Variants in GPR160 observed in about 807,000 individuals in gnomAD.
The protein encoded by GPR160 is G protein-coupled receptor 160.
A neutral mutation model predicts 2.6 loss-of-function variants in GPR160; 2 were observed. The ratio of observed to expected loss-of-function variants is 0.77; its 90% confidence interval spans 0.32 to 2.44. The LOEUF (loss-of-function observed/expected upper bound fraction) is 2.44. Among genes scored for constraint, GPR160 ranks in the 30% most tolerant of loss-of-function variants. The pLI, the probability that GPR160 is intolerant of heterozygous loss-of-function variation, is 0.11. For missense variants in GPR160, 351 were observed against 383.6 expected, an observed-to-expected ratio of 0.91 and a Z score of 0.71; for synonymous variants, 130 against 132.2, an observed-to-expected ratio of 0.98 and a Z score of 0.12.
chr3:170,085,001 A>G lies in GPR160; in HGVS notation c.*12A>G. On this transcript the variant is annotated 3_prime_UTR_variant, in exon 4 of 4. Coordinates refer to ENST00000355897, the MANE Select transcript of GPR160 (RefSeq NM_014373.3). ...TAATGATTTGTTAATATTATTAATT[A>G]AAAGTTACAGCTGTCATAAGATCAT... 7.8e-7 allele frequency: 1 copy of G among 1,281,148 alleles called. No individual in the cohort carries two copies. Among genetic ancestry groups the G allele is most frequent in the Non-Finnish European group, 1.1e-6 (1 of 929,064 alleles). The allele number at this position is 1,281,148 out of a possible 1,614,324, so 79.4% of individuals were successfully genotyped here. A position where few individuals can be genotyped will look rare whatever the true frequency, so the allele number is the denominator to read the frequency against.
At chr3:170,066,366 C>A (rs1169270251) in intron 2 of GPR160, among the ~76,000 whole-genome samples, 1 of 151,870 alleles carries the variant, frequency 6.6e-6, no homozygotes, top group Non-Finnish European at 1.5e-5. Flanking sequence ...GTCTCAATCT[C>A]CTGACCTCAT....
chr3:170,039,457 C>T (rs528713541), intron 2 of GPR160, among the ~76,000 whole-genome samples: 2 of 152,228 alleles, frequency 1.3e-5, no homozygotes, highest in East Asian at 3.9e-4. Context: ...ACCTGTAATC[C>T]CAGCACTTTG....
rs768860730 is a variant in GPR160, at chr3:170,084,595, T to C, written c.623T>C (p.Val208Ala). 6.2e-7 allele frequency: 1 copy of C among 1,613,350 alleles called. No individual in the cohort carries two copies. The highest frequency in any genetic ancestry group is 8.5e-7 in the Non-Finnish European group (1 of 1,179,278). ...TGTTGGGAAGAAGTTACTACTTTGG[T>C]ACAGGCTATCAGGATAACTTCCTAT... ...ITCWEEVTTL[V>A]QAIRITSYMN... The change falls in exon 4 of 4, where the codon GTA becomes GCA. Residue 208 changes from valine (V) to alanine (A), a missense_variant. Val to Ala is a moderately conservative substitution (Grantham distance 64, BLOSUM62 0). Transcript: ENST00000355897.
At chr3:170,081,121 C>T (rs1476979936) in intron 3 of GPR160, among the ~76,000 whole-genome samples, 3 of 152,056 alleles carry the variant, frequency 2.0e-5, no homozygotes, top group African/African-American at 7.2e-5. Context: ...TTTATGAATC[C>T]ACAAAATTTC....
intron 2 of GPR160, among the ~76,000 whole-genome samples, chr3:170,054,606 T>G (rs1164960300): frequency 6.6e-6 from 1 of 152,168 alleles, no homozygotes; most frequent in East Asian, 1.9e-4. Flanking sequence ...CTGCACCCAT[T>G]AAACAGTAAC....
In GPR160 at chr3:170,038,059, C is replaced by T. The variant is rs1199378264; in HGVS notation, c.-478C>T. 6.5e-6 allele frequency: 1 copy of T among 152,796 alleles called. No individual in the cohort carries two copies. The highest frequency in any genetic ancestry group is 1.5e-5 in the Non-Finnish European group (1 of 68,054). The allele number at this position is 152,796 out of a possible 1,614,324, so 9.5% of individuals were successfully genotyped here. A position where few individuals can be genotyped will look rare whatever the true frequency, so the allele number is the denominator to read the frequency against. On this transcript the variant is annotated 5_prime_UTR_variant, in exon 1 of 4. Transcript: ENST00000355897. The surrounding 1 kb of genome is among the most constrained non-coding windows in gnomAD (Gnocchi z 5.3). ...CGCCGCGGGGTCCCGGGGCCGTGCT[C>T]CCCTGCCCCTCCCGGGAGCGCGCGG...
At chr3:170,050,805 G>T (rs1413582394) in intron 2 of GPR160, among the ~76,000 whole-genome samples, 1 of 152,166 alleles carries the variant, frequency 6.6e-6, no homozygotes, top group Non-Finnish European at 1.5e-5. Context: ...GTATTGCTGA[G>T]TAGCATACAG....
intron 2 of GPR160, among the ~76,000 whole-genome samples, chr3:170,051,884 A>G (rs1716972980): frequency 6.6e-6 from 1 of 152,160 alleles, no homozygotes; most frequent in Non-Finnish European, 1.5e-5. Flanking sequence ...TTAATCTTAT[A>G]TCTAATAAGT....
intron 2 of GPR160, among the ~76,000 whole-genome samples, chr3:170,045,431 A>C (rs1156919974): frequency 1.5e-5 from 2 of 134,184 alleles, no homozygotes; most frequent in African/African-American, 6.0e-5. Context: ...AAAAAAAAAA[A>C]AAAAAAAAAA....
intron 2 of GPR160, among the ~76,000 whole-genome samples, chr3:170,073,974 C>T (rs1039108747): frequency 6.4e-4 from 96 of 150,312 alleles, no homozygotes; most frequent in African/African-American, 2.2e-3. Flanking sequence ...CTGCAAGCTC[C>T]GCCTCCTGGG....
chr3:170,060,207 G>A (rs1050998643), intron 2 of GPR160, among the ~76,000 whole-genome samples: 4 of 152,164 alleles, frequency 2.6e-5, no homozygotes, highest in African/African-American at 9.7e-5. Flanking sequence ...GCATTCAAAA[G>A]AAGAATGATG....
intron 3 of GPR160, 39 bp downstream of exon 3, chr3:170,079,936 A>C (rs1282369605): frequency 1.3e-5 from 2 of 152,216 alleles, no homozygotes; most frequent in Admixed American, 6.5e-5. Flanking sequence ...TGGGTTACAA[A>C]GGGAAAAACA....
intron 2 of GPR160, among the ~76,000 whole-genome samples, chr3:170,061,766 A>G (rs963137443): frequency 6.6e-6 from 1 of 152,084 alleles, no homozygotes; most frequent in African/African-American, 2.4e-5. Context: ...TGCTTGTTCC[A>G]TATTATAATT....
intron 2 of GPR160, among the ~76,000 whole-genome samples, chr3:170,041,364 T>C (rs896609745): frequency 2.3e-4 from 34 of 147,032 alleles, no homozygotes; most frequent in Admixed American, 1.3e-3. Flanking sequence ...TGCAGTGGCG[T>C]GATCTCGGCT....
At chr3:170,078,902 T>C (rs1364269602) in intron 2 of GPR160, among the ~76,000 whole-genome samples, 1 of 152,124 alleles carries the variant, frequency 6.6e-6, no homozygotes, top group Non-Finnish European at 1.5e-5. Flanking sequence ...CGGAAGGCTC[T>C]ACATAGCTTC....
chr3:170,079,428 A>T (rs142955367), intron 2 of GPR160, among the ~76,000 whole-genome samples: 5 of 152,364 alleles, frequency 3.3e-5, no homozygotes, highest in East Asian at 3.9e-4. Context: ...ATAACATTTT[A>T]AAAATGTTAT....
chr3:170,069,796 C>T (rs541511280), intron 2 of GPR160, among the ~76,000 whole-genome samples: 2 of 152,012 alleles, frequency 1.3e-5, no homozygotes, highest in East Asian at 1.9e-4. Flanking sequence ...TAAATATAAC[C>T]ACACATATTA....
At chr3:170,079,183 T>G (rs1041243103) in intron 2 of GPR160, among the ~76,000 whole-genome samples, 1 of 152,246 alleles carries the variant, frequency 6.6e-6, no homozygotes, top group African/African-American at 2.4e-5. Context: ...GCTCTCTTCT[T>G]CGGCCACTAG....
chr3:170,082,495 A>AAAG (rs1713183143), intron 3 of GPR160, among the ~76,000 whole-genome samples: 1 of 152,222 alleles, frequency 6.6e-6, no homozygotes, highest in Non-Finnish European at 1.5e-5. Flanking sequence ...TGCTCAAATG[A>AAAG]AAGTGTGGGT....
Sources: allele counts gnomAD v4.1 joint callset (sites outside exome capture counted in the v4.1 genomes callset), GRCh38; gene constraint gnomAD v4.1.1; non-coding constraint Gnocchi (gnomAD v3.1); transcripts MANE v1.5; gene names NCBI Gene and HGNC (gene_info 2026-07-23, HGNC 2026-07-21).